The following RELL1 variants were observed in gnomAD, a reference collection of about 807,000 sequenced individuals.
RELL1 encodes the protein RELT-like protein 1.
In RELL1, 10 loss-of-function variants were observed where a neutral mutation model predicts 23.0. The observed-to-expected ratio is 0.43, with a 90% CI of 0.27 to 0.74. The LOEUF is 0.74. RELL1 is among the 30% of genes least tolerant of loss of function. RELL1 has a pLI of 0.19. For synonymous variants in RELL1, 146 were observed against 146.8 expected (o/e 0.99, Z 0.04); for missense variants, 315 against 364.4 (o/e 0.86, Z 1.10).
At chr4:37,604,834 CACACAG>C (rs1560323727) in intron 6 of RELL1, among the ~76,000 whole-genome samples, 13,946 of 105,386 alleles carry the variant, frequency 0.13, 1,131 homozygotes, top group East Asian at 0.39. Context: ...CACACACATA[CACACAG>C]ACACACACAC....
chr4:37,595,612 G>GGTGTAATAAAGGATT (rs1718811256), intron 6 of RELL1, among the ~76,000 whole-genome samples: 1 of 49,266 alleles, frequency 2.0e-5, no homozygotes, highest in Non-Finnish European at 8.7e-5. Context: ...AATAAAGGAT[G>GGTGTAATAAAGGATT]TGGGAGCACA....
intron 3 of RELL1, among the ~76,000 whole-genome samples, chr4:37,644,217 G>A (rs916237120): frequency 2.0e-5 from 3 of 151,686 alleles, no homozygotes; most frequent in East Asian, 3.9e-4. Context: ...AGCCCTATTC[G>A]CCCATGAGTG....
At chr4:37,599,256 C>A (rs2940990) in intron 6 of RELL1, among the ~76,000 whole-genome samples, 130,056 of 152,236 alleles carry the variant, frequency 0.85, 55,697 homozygotes, top group East Asian at 0.96. Flanking sequence ...ACGGGGTTGC[C>A]GCAGAGCAAG....
At chr4:37,672,605 T>G (rs990885282) in intron 1 of RELL1, among the ~76,000 whole-genome samples, 16 of 152,092 alleles carry the variant, frequency 1.1e-4, no homozygotes, top group Non-Finnish European at 2.4e-4. Flanking sequence ...TCAAGTCTTC[T>G]CCATCCCTAT....
chr4:37,613,837 CACAA>C (rs1243202301), intron 6 of RELL1, among the ~76,000 whole-genome samples: 2 of 152,208 alleles, frequency 1.3e-5, no homozygotes, highest in African/African-American at 2.4e-5. Flanking sequence ...ACGTTTACAT[CACAA>C]ACAAAGGCCC....
intron 3 of RELL1, among the ~76,000 whole-genome samples, chr4:37,638,983 C>T (rs1288988110): frequency 2.0e-5 from 3 of 152,124 alleles, no homozygotes; most frequent in Admixed American, 2.0e-4. Flanking sequence ...ACTCTGAATC[C>T]TCCTGTAGCA....
intron 1 of RELL1, among the ~76,000 whole-genome samples, chr4:37,683,233 T>G (rs1722280741): frequency 6.6e-6 from 1 of 152,086 alleles, no homozygotes; most frequent in Non-Finnish European, 1.5e-5. Flanking sequence ...TGCAGAGCAG[T>G]GGGGTACAGT....
At chr4:37,684,083 AAAAAAT>A (rs1390817956) in intron 1 of RELL1, among the ~76,000 whole-genome samples, 1 of 152,218 alleles carries the variant, frequency 6.6e-6, no homozygotes, top group Admixed American at 6.5e-5. Flanking sequence ...CTCAAAAAGA[AAAAAAT>A]AAATAAAAAT....
intron 1 of RELL1, among the ~76,000 whole-genome samples, chr4:37,676,135 C>T (rs1366222921): frequency 6.6e-6 from 1 of 152,132 alleles, no homozygotes; most frequent in African/African-American, 2.4e-5. Context: ...ATGTCCCAAC[C>T]CCAGCCCTAG....
chr4:37,635,222 G>GA (rs369421416), intron 4 of RELL1, 99 bp from the exon 5 acceptor site: 4,077 of 841,058 alleles, frequency 4.8e-3, no homozygotes, highest in Non-Finnish European at 6.0e-3. Flanking sequence ...TAAATTGAAA[G>GA]AAAAAAAAAA....
chr4:37,631,444 C>T lies in RELL1; in HGVS notation c.760G>A (p.Val254Ile), dbSNP rs202163095. ...SLMSVSGAET[V>I]NGEVPATPVK... ...GGTGTTGCCGGCACCTCCCCATTGA[C>T]GGTTTCAGCCCCACTAACAGACATC... Residue 254 changes from valine (V) to isoleucine (I), a missense_variant, in exon 6 of 7, where the codon GTC becomes ATC. By Grantham distance (29) the Val-to-Ile change is conservative (BLOSUM62 3). Coordinates refer to ENST00000454158, the MANE Select transcript of RELL1 (RefSeq NM_001085400.2). 4.0e-5 allele frequency: 64 copies of T among 1,613,990 alleles called. No homozygotes were observed. The highest frequency in any genetic ancestry group is 2.8e-5 in the Non-Finnish European group (33 of 1,180,010).
At chr4:37,644,655 T>G (rs755855537) in intron 3 of RELL1, among the ~76,000 whole-genome samples, 20 of 151,828 alleles carry the variant, frequency 1.3e-4, no homozygotes, top group Non-Finnish European at 2.6e-4. Flanking sequence ...AGACGGGGTT[T>G]CACCACGTTG....
intron 1 of RELL1, among the ~76,000 whole-genome samples, chr4:37,675,838 G>A (rs1479947044): frequency 6.6e-6 from 1 of 152,134 alleles, no homozygotes; most frequent in Non-Finnish European, 1.5e-5. Context: ...AGCATCACCT[G>A]GAAACATGAG....
intron 2 of RELL1, among the ~76,000 whole-genome samples, chr4:37,647,877 G>T (rs753485155): frequency 1.3e-4 from 20 of 152,106 alleles, no homozygotes; most frequent in Non-Finnish European, 1.9e-4. Context: ...ATTCTTCCAT[G>T]TTCATCAGAC....
intron 6 of RELL1, among the ~76,000 whole-genome samples, chr4:37,630,172 G>T (rs959024781): frequency 3.3e-5 from 5 of 151,806 alleles, no homozygotes; most frequent in African/African-American, 1.2e-4. Context: ...TCATGTTCAG[G>T]CTCTGATGGT....
intron 6 of RELL1, among the ~76,000 whole-genome samples, chr4:37,604,916 CACAG>C (rs1560324063): frequency 0.067 from 2,438 of 36,282 alleles, 263 homozygotes; most frequent in African/African-American, 0.17. Flanking sequence ...CACACACACA[CACAG>C]ACACACACAC....
chr4:37,680,837 C>T (rs748363783), intron 1 of RELL1, among the ~76,000 whole-genome samples: 57 of 147,264 alleles, frequency 3.9e-4, no homozygotes, highest in African/African-American at 1.3e-3. Flanking sequence ...GAGGCTGAGG[C>T]GGGAGAATGG....
chr4:37,619,913 T>G (rs1215551398), intron 6 of RELL1, among the ~76,000 whole-genome samples: 2 of 152,196 alleles, frequency 1.3e-5, no homozygotes, highest in Non-Finnish European at 2.9e-5. Flanking sequence ...CATTCATCTT[T>G]GTCACCAGAG....
chr4:37,657,919 TCA>T (rs1406343874), intron 1 of RELL1, among the ~76,000 whole-genome samples: 4 of 151,938 alleles, frequency 2.6e-5, no homozygotes, highest in African/African-American at 9.7e-5. Flanking sequence ...CGAGACCCTG[TCA>T]CACACACACA....
Sources: gnomAD v4.1 joint callset for allele counts (sites outside exome capture counted in the v4.1 genomes callset) on GRCh38, gnomAD v4.1.1 for gene constraint, MANE v1.5 for transcripts, NCBI Gene and HGNC (gene_info 2026-07-23, HGNC 2026-07-21) for gene names.